The following MYL5 variants were observed in gnomAD, a reference collection of about 807,000 sequenced individuals.
MYL5 encodes myosin regulatory light chain 5.
Under a neutral mutation model 20.8 loss-of-function variants are expected in MYL5, and 28 were observed. That is an observed-to-expected ratio of 1.35 (90% confidence interval 1.00 to 1.84). MYL5 has a LOEUF of 1.84. Ranked by LOEUF, MYL5 falls within the 40% of genes most tolerant of loss-of-function variation. The pLI is 0.00. For missense variants in MYL5, 274 were observed against 227.3 expected (o/e 1.21, Z -1.32); for synonymous variants, 118 against 87.4 (o/e 1.35, Z -1.95).
chr4:678,371 G>C (rs1319142674), intron 1 of MYL5: 26 of 1,411,554 alleles, frequency 1.8e-5, no homozygotes, highest in Non-Finnish European at 2.3e-5. Flanking sequence ...CAGAGGCCAA[G>C]CTGGCTCCTG....
At position 681,091 on chromosome 4, in the gene MYL5, G is replaced by A. The variant is rs1257913824; in HGVS notation, c.372-1G>A. ...GCGCTGACCCCTTTCCTCGTCCTCA[G>A]CATCAAGCGTCTGCTGATGTCCCAG... On this transcript the variant is annotated splice_acceptor_variant, in intron 5 of 6. Coordinates refer to ENST00000400159, the Ensembl canonical transcript of MYL5. LOFTEE classifies it high-confidence loss of function. 9 of 1,601,294 alleles carry A rather than the reference G, an allele frequency of 5.6e-6. No individual in the cohort carries two copies. Among genetic ancestry groups the A allele is most frequent in the Non-Finnish European group, 6.8e-6 (8 of 1,174,726 alleles).
At position 677,990 on chromosome 4, in the gene MYL5, G is replaced by A. The variant is rs368446750; in HGVS notation, c.-37G>A. 18 of 1,613,358 alleles carry A rather than the reference G, an allele frequency of 1.1e-5. No individual in the cohort carries two copies. In the African/African-American group the frequency reaches 1.2e-4, roughly 11 times the overall value. On this transcript the variant is annotated 5_prime_UTR_variant, in exon 1 of 7. Transcript: ENST00000400159. ...GAGCTTAAGATGGGCAAGACCTGGGGCCCTGGGCAGACGCATCAAAGCAGG... is the reference window on the plus strand; with the variant it reads ...GAGCTTAAGATGGGCAAGACCTGGGACCCTGGGCAGACGCATCAAAGCAGG...
intron 5 of MYL5, 123 bp downstream of exon 7, chr4:680,710 G>A: frequency 2.0e-6 from 2 of 1,014,220 alleles, no homozygotes; most frequent in Non-Finnish European, 2.9e-6. Flanking sequence ...ACCAGCTTCA[G>A]GGCCATGAGG....
chr4:681,608 C>A (rs1487651971), intron 6 of MYL5, among the ~76,000 whole-genome samples: 1 of 125,498 alleles, frequency 8.0e-6, no homozygotes, highest in South Asian at 2.9e-4. Flanking sequence ...CCGCCCCGCC[C>A]CCTCCAGCGC....
At chr4:678,003 G>GCAT in exon 1 of MYL5, 1 of 1,613,364 alleles carries the variant, frequency 6.2e-7, no homozygotes, top group Non-Finnish European at 8.5e-7. Context: ...CTGGGCAGAC[G>GCAT]CATCAAAGCA....
intron 6 of MYL5, among the ~76,000 whole-genome samples, chr4:681,544 G>T: frequency 7.6e-6 from 1 of 132,408 alleles, no homozygotes; most frequent in East Asian, 2.3e-4. Flanking sequence ...CCTCCCCGAC[G>T]CTGCTGAAGG....
At chr4:681,230 G>A in intron 6 of MYL5, 90 bp downstream of exon 8, 1 of 1,478,562 alleles carries the variant, frequency 6.8e-7, no homozygotes, top group South Asian at 1.2e-5. Flanking sequence ...AGCCCGAGGA[G>A]CAGCGCCGCG....
At position 678,136 on chromosome 4, in the gene MYL5, A is replaced by G. The variant is rs1739038942; in HGVS notation, c.3+107A>G. 1.2e-5 allele frequency: 18 copies of G among 1,559,378 alleles called. No individual in the cohort carries two copies. In the South Asian group the frequency reaches 1.9e-4, roughly 16 times the overall value. On this transcript the variant is annotated intron_variant, in intron 1 of 6. Coordinates refer to ENST00000400159, the Ensembl canonical transcript of MYL5. ...GTGGGCGTGTCCGTGCTTGCGTGTG[A>G]ATGCAGGTGTGGGCGTGTGCTCTGC... is the stretch of plus-strand genomic sequence containing the variant.
upstream of MYL5, among the ~76,000 whole-genome samples, chr4:677,345 GAGGCCATGGTATAGTGGGGA>G (rs751344123): frequency 6.6e-6 from 1 of 152,196 alleles, no homozygotes; most frequent in Non-Finnish European, 1.5e-5. Context: ...CTCTGTGCCT[GAGGCCATGGTATAGTGGGGA>G]AGACCAGGCT....
chr4:680,228 G>A (rs560118813), intron 4 of MYL5, among the ~76,000 whole-genome samples: 6 of 152,292 alleles, frequency 3.9e-5, no homozygotes, highest in East Asian at 3.9e-4. Context: ...GTGACCCGCC[G>A]TCGACACCTC....
intron 1 of MYL5, 111 bp downstream of exon 3, chr4:678,140 C>G: frequency 6.4e-7 from 1 of 1,555,286 alleles, no homozygotes; most frequent in Non-Finnish European, 8.7e-7. Context: ...CGTGTGAATG[C>G]AGGTGTGGGC....
At chr4:678,390 C>T (rs977966896) in intron 1 of MYL5, 38 of 1,412,894 alleles carry the variant, frequency 2.7e-5, no homozygotes, top group Middle Eastern at 2.6e-4. Context: ...TGCTGGACGG[C>T]GATCCCTGAC....
At position 681,863 on chromosome 4, in the gene MYL5, C is replaced by G. The variant is rs773154641; in HGVS notation, c.421-30C>G. 40 of 1,307,956 alleles carry G rather than the reference C, an allele frequency of 3.1e-5. No individual in the cohort carries two copies. In the African/African-American group the frequency reaches 3.6e-4, roughly 12 times the overall value. The allele number at this position is 1,307,956 out of a possible 1,614,324, so 81.0% of individuals were successfully genotyped here. A position where few individuals can be genotyped will look rare whatever the true frequency, so the allele number is the denominator to read the frequency against. On this transcript the variant is annotated intron_variant, in intron 6 of 6. Transcript: ENST00000400159. ...GCGCTTGTAATTCGCTCCCGGAGCC[C>G]GCAAGGAGCCCTTTCGCCCCCGCCC...
chr4:678,980 A>C (rs1450695932), exon 3 of MYL5: 1 of 1,613,704 alleles, frequency 6.2e-7, no homozygotes, highest in African/African-American at 1.3e-5. Context: ...ATGGATCAGA[A>C]CCGAGATGGC....
At chr4:681,979 G>A (rs1490304330) in exon 7 of MYL5, 13 of 1,402,164 alleles carry the variant, frequency 9.3e-6, no homozygotes, top group Non-Finnish European at 1.2e-5. Flanking sequence ...CCCACGGGGA[G>A]GAGAAGGAGG....
chr4:679,969 G>A (rs1288701477), exon 4 of MYL5: 4 of 1,613,630 alleles, frequency 2.5e-6, no homozygotes, highest in South Asian at 1.1e-5. Flanking sequence ...AGGCCTCGGG[G>A]CCCATCAACT....
In MYL5 at chr4:678,123, G is replaced by A. The variant is rs116184458; in HGVS notation, c.3+94G>A. On this transcript the variant is annotated intron_variant, in intron 1 of 6. Transcript: ENST00000400159. ...CGCACAGACGAGCGTGGGCGTGTCCGTGCTTGCGTGTGAATGCAGGTGTGG... is the reference window on the plus strand; with the variant it reads ...CGCACAGACGAGCGTGGGCGTGTCCATGCTTGCGTGTGAATGCAGGTGTGG... 8.5e-4 allele frequency: 1,326 copies of A among 1,568,608 alleles called. 4 individuals are homozygous for A. The African/African-American group carries it at 0.011, about 13-fold the overall frequency.
chr4:676,734 G>C (rs1738879769), upstream of MYL5, among the ~76,000 whole-genome samples: 1 of 152,130 alleles, frequency 6.6e-6, no homozygotes, highest in African/African-American at 2.4e-5. Context: ...TGCCCCTTCA[G>C]GATCACACCC....
At chr4:676,472 G>A (rs1485707014), upstream of MYL5, 1 of 152,250 alleles carries the variant, frequency 6.6e-6, no homozygotes, top group African/African-American at 2.4e-5. Context: ...TTAGTGGTGG[G>A]ACGGGTCCCA....
Sources: gnomAD v4.1 joint callset for allele counts (sites outside exome capture counted in the v4.1 genomes callset) on GRCh38, gnomAD v4.1.1 for gene constraint, MANE v1.5 for transcripts, NCBI Gene and HGNC (gene_info 2026-07-23, HGNC 2026-07-21) for gene names.